The following RAPGEF4 variants were observed in gnomAD, a reference collection of about 807,000 sequenced individuals.
RAPGEF4 encodes the protein Rap guanine nucleotide exchange factor 4.
RAPGEF4 carries 66 observed loss-of-function variants against 147.9 expected under a neutral mutation model. The observed-to-expected ratio is 0.45, with a 90% CI of 0.37 to 0.55. RAPGEF4 has a LOEUF of 0.55. RAPGEF4 is among the 20% of genes least tolerant of loss of function. The pLI, the probability that RAPGEF4 is intolerant of heterozygous loss-of-function variation, is 0.00. For synonymous variants in RAPGEF4, 419 were observed against 442.7 expected, an observed-to-expected ratio of 0.95 and a Z score of 0.67; for missense variants, 1,071 against 1,257.3, an observed-to-expected ratio of 0.85 and a Z score of 2.24.
At chr2:172,772,116 G>A (rs1224087340) in intron 1 of RAPGEF4, among the ~76,000 whole-genome samples, 2 of 152,056 alleles carry the variant, frequency 1.3e-5, no homozygotes, top group East Asian at 1.9e-4. Context: ...GCATACGCCT[G>A]TAGTCTCAGC....
intron 4 of RAPGEF4, among the ~76,000 whole-genome samples, chr2:172,912,780 G>A (rs1328798469): frequency 1.3e-5 from 2 of 152,016 alleles, no homozygotes; most frequent in Non-Finnish European, 2.9e-5. Flanking sequence ...GTTCCTCAGG[G>A]GCACTTTTCA....
intron 15 of RAPGEF4, among the ~76,000 whole-genome samples, chr2:172,991,699 A>C (rs1377408330): frequency 6.6e-6 from 1 of 152,208 alleles, no homozygotes; most frequent in African/African-American, 2.4e-5. Flanking sequence ...TAGCTAAAGA[A>C]ATGTTGCCCA....
intron 1 of RAPGEF4, among the ~76,000 whole-genome samples, chr2:172,783,326 T>A (rs529213327): frequency 6.6e-6 from 1 of 152,346 alleles, no homozygotes; most frequent in South Asian, 2.1e-4. Context: ...GTCACAACTT[T>A]CTTATCTCAT....
At chr2:172,985,346 T>C in intron 11 of RAPGEF4, 87 bp from the exon 12 acceptor site, 1 of 1,592,144 alleles carries the variant, frequency 6.3e-7, no homozygotes, top group Non-Finnish European at 8.6e-7. Flanking sequence ...CGGGACAGTT[T>C]GCATTGTGCC....
At chr2:172,809,454 A>G (rs1184281820) in intron 3 of RAPGEF4, among the ~76,000 whole-genome samples, 1 of 152,216 alleles carries the variant, frequency 6.6e-6, no homozygotes, top group East Asian at 1.9e-4. Flanking sequence ...ACAGAAACTC[A>G]GTTTCTCCAA....
intron 4 of RAPGEF4, among the ~76,000 whole-genome samples, chr2:172,876,553 A>G (rs1192419584): frequency 6.6e-6 from 1 of 152,174 alleles, no homozygotes; most frequent in Admixed American, 6.5e-5. Flanking sequence ...GATTACATTT[A>G]TTGATTTGCA....
At chr2:172,755,099 CG>C (rs1574710077) in intron 1 of RAPGEF4, among the ~76,000 whole-genome samples, 1 of 151,964 alleles carries the variant, frequency 6.6e-6, no homozygotes. Flanking sequence ...GATATGTGGC[CG>C]TAGAACCCTG....
At chr2:172,876,530 T>A (rs996694264) in intron 4 of RAPGEF4, among the ~76,000 whole-genome samples, 15 of 152,370 alleles carry the variant, frequency 9.8e-5, no homozygotes, top group African/African-American at 3.6e-4. Context: ...TCTTTGGTTC[T>A]GTTTATATAC....
chr2:172,844,671 A>T (rs1691975540), intron 4 of RAPGEF4, among the ~76,000 whole-genome samples: 2 of 152,356 alleles, frequency 1.3e-5, no homozygotes, highest in South Asian at 4.1e-4. Context: ...GGCTGGCAGT[A>T]AAGAAGAATT....
At chr2:172,849,699 CT>C (rs551081570) in intron 4 of RAPGEF4, among the ~76,000 whole-genome samples, 214 of 152,312 alleles carry the variant, frequency 1.4e-3, no homozygotes, top group African/African-American at 4.7e-3. Context: ...AAGACACTAT[CT>C]TGATGCTTGG....
chr2:172,771,381 G>A (rs112163890), intron 1 of RAPGEF4, among the ~76,000 whole-genome samples: 19 of 151,078 alleles, frequency 1.3e-4, no homozygotes, highest in African/African-American at 2.4e-4. Context: ...ATTTGGGGGC[G>A]GGGATACAAA....
intron 6 of RAPGEF4, among the ~76,000 whole-genome samples, chr2:172,947,319 T>A (rs1687774197): frequency 6.6e-6 from 1 of 152,190 alleles, no homozygotes; most frequent in African/African-American, 2.4e-5. Context: ...ACTTTTTTTG[T>A]TTTGATTTTT....
At chr2:172,775,910 G>A (rs1030547171) in intron 1 of RAPGEF4, among the ~76,000 whole-genome samples, 6 of 152,088 alleles carry the variant, frequency 3.9e-5, no homozygotes, top group Non-Finnish European at 5.9e-5. Flanking sequence ...TTAGCTATAG[G>A]ACCCTATTAC....
At chr2:172,833,830 T>C (rs1690636418) in intron 4 of RAPGEF4, among the ~76,000 whole-genome samples, 1 of 152,258 alleles carries the variant, frequency 6.6e-6, no homozygotes, top group African/African-American at 2.4e-5. Context: ...AATTTCTTCC[T>C]GTGAACTATG....
chr2:172,966,679 A>G (rs1181952130), intron 9 of RAPGEF4, among the ~76,000 whole-genome samples: 1 of 152,244 alleles, frequency 6.6e-6, no homozygotes, highest in East Asian at 1.9e-4. Flanking sequence ...TTAAGACATC[A>G]GATTTGGAAG....
chr2:172,933,867 A>G (rs1219880627), intron 6 of RAPGEF4, among the ~76,000 whole-genome samples: 1 of 152,228 alleles, frequency 6.6e-6, no homozygotes, highest in Non-Finnish European at 1.5e-5. Flanking sequence ...GACCTAATTT[A>G]ATGAATAGGT....
intron 1 of RAPGEF4, among the ~76,000 whole-genome samples, chr2:172,763,380 A>G (rs1271037210): frequency 1.3e-5 from 2 of 152,230 alleles, no homozygotes; most frequent in African/African-American, 2.4e-5. Flanking sequence ...CCTTGCCATT[A>G]TAGAAATTAC....
At chr2:172,781,391 C>G (rs906405861) in intron 1 of RAPGEF4, among the ~76,000 whole-genome samples, 23 of 152,002 alleles carry the variant, frequency 1.5e-4, no homozygotes, top group Non-Finnish European at 5.9e-5. Context: ...CACCTGTAAT[C>G]CCAGCACTTT....
intron 17 of RAPGEF4, among the ~76,000 whole-genome samples, chr2:173,013,342 C>T (rs1247799001): frequency 6.6e-6 from 1 of 152,184 alleles, no homozygotes; most frequent in Non-Finnish European, 1.5e-5. Flanking sequence ...CTTGCATTCG[C>T]AACCTCTGCA....
Sources: gnomAD v4.1 joint callset for allele counts (sites outside exome capture counted in the v4.1 genomes callset) on GRCh38, gnomAD v4.1.1 for gene constraint, MANE v1.5 for transcripts, NCBI Gene and HGNC (gene_info 2026-07-23, HGNC 2026-07-21) for gene names.